COA4: variants seen among roughly 807,000 people sequenced by gnomAD.
The protein encoded by COA4 is cytochrome c oxidase assembly factor 4 homolog, mitochondrial.
COA4 carries 8 observed loss-of-function variants against 7.3 expected under a neutral mutation model. The ratio of observed to expected loss-of-function variants is 1.10; its 90% CI spans 0.64 to 1.98. COA4 has a LOEUF of 1.98. Among genes scored for constraint, COA4 ranks in the 30% most tolerant of loss-of-function variants. The pLI is 0.00. For missense variants in COA4, 96 were observed against 111.2 expected (o/e 0.86, Z 0.62); for synonymous variants, 42 against 44.3 (o/e 0.95, Z 0.21).
At position 73,873,368 on chromosome 11, in the gene COA4, G is replaced by C; in HGVS notation, c.11C>G (p.Ser4Ter). ...GGTCCAGGTATGGCCTTGAGGGACTGAGGTTGACATCCTGGGGATGGGGAG... is the reference window on the plus strand; with the variant it reads ...GGTCCAGGTATGGCCTTGAGGGACTCAGGTTGACATCCTGGGGATGGGGAG... MST[S>*]VPQGHTWTQR... The change falls in exon 2 of 2, where the codon TCA becomes TGA. Residue 4 changes from serine (S) to a stop codon, truncating the protein, a stop_gained. Transcript: ENST00000355693. LOFTEE classifies it high-confidence loss of function. 6.2e-7 allele frequency: 1 copy of C among 1,614,168 alleles called. No homozygotes were observed.
In COA4 at chr11:73,872,983, C is replaced by G. The variant is rs760152116; in HGVS notation, c.*132G>C. 7.5e-6 allele frequency: 9 copies of G among 1,204,110 alleles called. No homozygotes were observed. The highest frequency in any genetic ancestry group is 1.0e-5 in the Non-Finnish European group (9 of 876,788). 74.6% of individuals were successfully genotyped at this position (1,204,110 alleles called of 1,614,324 possible). On this transcript the variant is annotated 3_prime_UTR_variant, in exon 2 of 2. Coordinates refer to ENST00000355693, the MANE Select transcript of COA4 (RefSeq NM_016565.3). The stretch of plus-strand genomic sequence containing the variant: ...GCCAGTCATGTCCAAACCCATGGCT[C>G]TCAACTCCAGATCCAAAAACTCTCC...
At chr11:73,875,925 GCCT>G (rs1948738569) in intron 1 of COA4, 1 of 152,180 alleles carries the variant, frequency 6.6e-6, no homozygotes, top group Admixed American at 6.5e-5. Context: ...CTTTGTCACT[GCCT>G]CATTTGGTGC....
Position 73,873,154 on chromosome 11 carries a change from C to T in COA4, c.225G>A (p.Glu75=). ...CGGCTTGTTCTTGCCTCCTCTGCAG[C>T]TCCTCTTGCCGCCTCGCCTGCTGTT... ...MSEQQARRQE[E]LQRRQEQAGA... is the part of the protein sequence containing the mutation. The change falls in exon 2 of 2, where the codon GAG becomes GAA. Residue 75 remains glutamate (E), a synonymous_variant. Coordinates refer to ENST00000355693, the MANE Select transcript of COA4 (RefSeq NM_016565.3). 1 of 1,613,252 alleles carries T rather than the reference C, an allele frequency of 6.2e-7. No homozygotes were observed. The highest frequency in any genetic ancestry group is 8.5e-7 in the Non-Finnish European group (1 of 1,179,352).
intron 1 of COA4, chr11:73,873,877 C>G (rs1948715211): frequency 6.2e-6 from 1 of 161,974 alleles, no homozygotes; most frequent in South Asian, 1.9e-4. Context: ...GAGAGCAGGC[C>G]TGAAAAGTGG....
chr11:73,873,826 C>T (rs1316794280), intron 1 of COA4: 1 of 173,438 alleles, frequency 5.8e-6, no homozygotes, highest in Non-Finnish European at 1.2e-5. Flanking sequence ...GGCTGATGTT[C>T]GTCTTGATTT....
In COA4 at chr11:73,876,780, C is replaced by T; in HGVS notation, c.-40G>A. 2.6e-6 allele frequency: 1 copy of T among 386,642 alleles called. No individual in the cohort carries two copies. The highest frequency in any genetic ancestry group is 4.6e-6 in the Non-Finnish European group (1 of 217,304). The allele number at this position is 386,642 out of a possible 1,614,324, so 24.0% of individuals were successfully genotyped here. ...ACCGAACAGGTGGGAGAAGAGGGCC[C>T]GAACGCACGCTCCTACGCGGCGGCT... On this transcript the variant is annotated 5_prime_UTR_variant, in exon 1 of 2. Coordinates refer to ENST00000355693, the MANE Select transcript of COA4 (RefSeq NM_016565.3).
intron 1 of COA4, 51 bp from the exon 2 acceptor site, chr11:73,873,445 A>C (rs1278170143): frequency 1.3e-6 from 2 of 1,516,400 alleles, no homozygotes; most frequent in Non-Finnish European, 1.8e-6. Flanking sequence ...AAGGTTCCTA[A>C]ATTATAAATA....
At chr11:73,874,743 T>A (rs887631136) in intron 1 of COA4, among the ~76,000 whole-genome samples, 34 of 152,114 alleles carry the variant, frequency 2.2e-4, no homozygotes, top group Non-Finnish European at 4.4e-5. Context: ...ATCCCAGCAA[T>A]TTGGGAGCCC....
rs771202803 is a variant in COA4, at chr11:73,873,300, GGT to G, written c.77_78del (p.Asp26AlafsTer41). 6.2e-7 allele frequency: 1 copy of G among 1,614,228 alleles called. No homozygotes were observed. Among genetic ancestry groups the G allele is most frequent in the Admixed American group, 1.7e-5 (1 of 60,022 alleles). ...GCACAGCCAGAGCGGGAGATCAGCT[GGT>G]CCAGCGGGTCCTCCTCCTCATCGTC... The part of the protein sequence containing the change: ...KKDDEEEDPL[D>X]QLISRSGCAA... On this transcript the variant is annotated frameshift_variant, in exon 2 of 2. Transcript: ENST00000355693. LOFTEE classifies it high-confidence loss of function.
chr11:73,873,536 GT>G (rs59752835), intron 1 of COA4, 142 bp from the exon 2 acceptor site: 113,560 of 481,802 alleles, frequency 0.24, 2,037 homozygotes, highest in African/African-American at 0.28. Context: ...ACAGATGCTT[GT>G]TTTTTTTTTT....
intron 1 of COA4, chr11:73,874,541 G>A (rs1948721102): frequency 6.6e-6 from 1 of 152,172 alleles, no homozygotes. Flanking sequence ...TGAAGAGGGA[G>A]AATCCTTTGA....
intron 1 of COA4, 44 bp from the exon 2 acceptor site, chr11:73,873,438 G>T: frequency 6.4e-7 from 1 of 1,550,438 alleles, no homozygotes; most frequent in South Asian, 1.2e-5. Flanking sequence ...AATATGTAAG[G>T]TTCCTAAATT....
chr11:73,875,390 ACTGT>A (rs1450151961), intron 1 of COA4, among the ~76,000 whole-genome samples: 2 of 152,196 alleles, frequency 1.3e-5, no homozygotes, highest in Admixed American at 6.5e-5. Context: ...AGGATTCAAG[ACTGT>A]CTAAGTCAGT....
chr11:73,876,834 T>C lies in COA4; in HGVS notation c.-94A>G. On this transcript the variant is annotated 5_prime_UTR_variant, in exon 1 of 2. Transcript: ENST00000355693. ...GTTTCGCAGGCGGTTGGGGATCCTC[T>C]GTACATCCTTTCAGGAACCAGCCCC... The C allele has an allele frequency of 1.8e-6, 1 of 565,696 alleles. No individual in the cohort carries two copies. Among genetic ancestry groups the C allele is most frequent in the African/African-American group, 1.9e-5 (1 of 51,416 alleles). The allele number at this position is 565,696 out of a possible 1,614,324, so 35.0% of individuals were successfully genotyped here.
chr11:73,874,139 C>G (rs1369658074), intron 1 of COA4, among the ~76,000 whole-genome samples: 1 of 152,000 alleles, frequency 6.6e-6, no homozygotes, highest in Non-Finnish European at 1.5e-5. Flanking sequence ...ATAGCAAGAC[C>G]TCATCTCTAC....
At chr11:73,875,387 A>C (rs1193068389) in intron 1 of COA4, among the ~76,000 whole-genome samples, 1 of 152,210 alleles carries the variant, frequency 6.6e-6, no homozygotes, top group African/African-American at 2.4e-5. Flanking sequence ...CTGAGGATTC[A>C]AGACTGTCTA....
In COA4 at chr11:73,873,267, G is replaced by C; in HGVS notation, c.112C>G (p.His38Asp). The part of the protein sequence containing the change: ...LISRSGCAAS[H>D]FAVQECMAQH... ...GCCATGCACTCCTGCACTGCAAAGT[G>C]GGAGGCAGCACAGCCAGAGCGGGAG... is the stretch of plus-strand genomic sequence containing the variant. Residue 38 changes from histidine to aspartate, a missense_variant, in exon 2 of 2, where the codon CAC becomes GAC. Transcript: ENST00000355693. 2 of 1,614,272 alleles carry C rather than the reference G, an allele frequency of 1.2e-6. No individual in the cohort carries two copies. Among genetic ancestry groups the C allele is most frequent in the Non-Finnish European group, 1.7e-6 (2 of 1,180,052 alleles).
intron 1 of COA4, among the ~76,000 whole-genome samples, chr11:73,875,505 G>A (rs1792198): frequency 0.51 from 77,331 of 151,934 alleles, 21,038 homozygotes; most frequent in African/African-American, 0.72. Flanking sequence ...GTGGAGGGAT[G>A]CCTAATCCAG....
At chr11:73,873,530 A>C in intron 1 of COA4, 136 bp from the exon 2 acceptor site, 4 of 553,708 alleles carry the variant, frequency 7.2e-6, no homozygotes, top group Non-Finnish European at 1.2e-5. Flanking sequence ...TTGAAGACAG[A>C]TGCTTGTTTT....
Sources: allele counts gnomAD v4.1 joint callset (sites outside exome capture counted in the v4.1 genomes callset), GRCh38; gene constraint gnomAD v4.1.1; transcripts MANE v1.5; gene names NCBI Gene and HGNC (gene_info 2026-07-23, HGNC 2026-07-21).